The following NOL6 variants were observed in gnomAD, a reference collection of about 807,000 sequenced individuals.
NOL6 encodes the protein nucleolar RNA-associated protein.
Under a neutral mutation model 131.7 loss-of-function variants are expected in NOL6, and 33 were observed. The observed-to-expected ratio is 0.25, with a 90% CI of 0.19 to 0.33. The LOEUF is 0.33. Ranked by LOEUF, NOL6 falls within the 10% of genes least tolerant of loss-of-function variation. The probability of loss-of-function intolerance (pLI) is 1.00; values close to 1 mark genes in which losing one functional copy is unlikely to be tolerated. For missense variants in NOL6, 1,297 were observed against 1,494.5 expected (o/e 0.87, Z 2.18); for synonymous variants, 580 against 605.7 (o/e 0.96, Z 0.62).
In NOL6 at chr9:33,465,789, G is replaced by A; in HGVS notation, c.2473C>T (p.Leu825Phe). 1.2e-6 allele frequency: 2 copies of A among 1,613,890 alleles called. No homozygotes were observed. Among genetic ancestry groups the A allele is most frequent in the Non-Finnish European group, 1.7e-6 (2 of 1,179,894 alleles). ...TGCCTTGTGTCTCTCTCAAGGCGGAGGGAGGCAGCTGTGTCCCTCAGCGAG... is the reference window on the plus strand; with the variant it reads ...TGCCTTGTGTCTCTCTCAAGGCGGAAGGAGGCAGCTGTGTCCCTCAGCGAG... ...MISLRDTAAS[L>F]RLERDTRQLP... The change falls in exon 19 of 26, where the codon CTC becomes TTC. Residue 825 changes from leucine to phenylalanine, a missense_variant. Transcript: ENST00000297990.
At chr9:33,464,223 C>A in intron 21 of NOL6, 62 bp from the exon 22 acceptor site, 1 of 1,534,568 alleles carries the variant, frequency 6.5e-7, no homozygotes. Flanking sequence ...CTCTACTCCC[C>A]CAGGTCCTCC....
intron 3 of NOL6, chr9:33,470,484 A>G (rs532911862): frequency 4.3e-4 from 80 of 185,706 alleles, no homozygotes; most frequent in Admixed American, 1.7e-3. Context: ...CGAGGTCAGA[A>G]GATCGAGACC....
Position 33,469,664 on chromosome 9 carries a change from T to C in NOL6, c.562A>G (p.Ile188Val). Residue 188 changes from isoleucine to valine, a missense_variant, in exon 5 of 26, where the codon ATC becomes GTC. By Grantham distance (29) the Ile-to-Val change is conservative. Coordinates refer to ENST00000297990, the MANE Select transcript of NOL6 (RefSeq NM_022917.5). ...VDVALTMPRE[I>V]LQDKDGLNQR... ...TTCAGCCCGTCCTTGTCCTGTAGGA[T>C]TTCCTGGAGGGGCCAGGGGAGAAGA... 1.2e-6 allele frequency: 2 copies of C among 1,609,766 alleles called. No individual in the cohort carries two copies. The highest frequency in any genetic ancestry group is 1.7e-6 in the Non-Finnish European group (2 of 1,178,822).
chr9:33,464,520 T>C (rs1469811529), intron 21 of NOL6, among the ~76,000 whole-genome samples: 1 of 151,920 alleles, frequency 6.6e-6, no homozygotes, highest in African/African-American at 2.4e-5. Flanking sequence ...TGCCTCACGT[T>C]ACAACCAGAA....
intron 1 of NOL6, chr9:33,472,726 A>C: frequency 9.7e-6 from 4 of 410,378 alleles, no homozygotes; most frequent in South Asian, 9.6e-5. Context: ...TAATCCCAGC[A>C]GTTTGGGAGG....
In NOL6 at chr9:33,472,328, T is replaced by C. The variant is rs768037553; in HGVS notation, c.139A>G (p.Lys47Glu). ...RKRTLAEPPA[K>E]GLLQPVKLSR... is the part of the protein sequence containing the mutation. ...AGCTTCACTGGCTGCAGGAGGCCCTTCGCTGGAGGTTCAGCCAATGTACGC... is the reference window on the plus strand; with the variant it reads ...AGCTTCACTGGCTGCAGGAGGCCCTCCGCTGGAGGTTCAGCCAATGTACGC... The change falls in exon 2 of 26, where the codon AAG becomes GAG. Residue 47 changes from lysine (K) to glutamate (E), a missense_variant. Lys to Glu is a moderately conservative substitution (Grantham distance 56). Coordinates refer to ENST00000297990, the MANE Select transcript of NOL6 (RefSeq NM_022917.5). The C allele has an allele frequency of 2.5e-6, 4 of 1,614,232 alleles. No individual in the cohort carries two copies. In the Admixed American group the frequency reaches 6.7e-5, roughly 27 times the overall value.
chr9:33,468,753 C>CAG lies in NOL6; in HGVS notation c.1144_1145dup (p.Ala383TrpfsTer6). 1 of 1,614,170 alleles carries CAG rather than the reference C, an allele frequency of 6.2e-7. No homozygotes were observed. The highest frequency in any genetic ancestry group is 8.5e-7 in the Non-Finnish European group (1 of 1,180,028). Reference sequence around the variant, plus strand: ...CCTTTCCCCACCTAGTTGCCTCACCCAGAAACTGCAAGACACTTCTCAGGA... The same window carrying CAG: ...CCTTTCCCCACCTAGTTGCCTCACCCAGAGAAACTGCAAGACACTTCTCAGGA... On this transcript the variant is annotated frameshift_variant and splice_region_variant, in exon 8 of 26. Transcript: ENST00000297990. LOFTEE classifies it high-confidence loss of function.
In NOL6 at chr9:33,469,333, C is replaced by T. The variant is rs764847272; in HGVS notation, c.736G>A (p.Glu246Lys). ...SLLLRPRGKD[E>K]RLVTVRLHPC... Reference sequence around the variant, plus strand: ...TGCAGACGTACAGTGACCAGGCGCTCATCCTTTCCTGCCAGAGACAGTGAG... The same window carrying T: ...TGCAGACGTACAGTGACCAGGCGCTTATCCTTTCCTGCCAGAGACAGTGAG... The change falls in exon 6 of 26, where the codon GAG becomes AAG. Residue 246 changes from glutamate (E) to lysine (K), a missense_variant. Glu to Lys is a moderately conservative substitution (Grantham distance 56). Coordinates refer to ENST00000297990, the MANE Select transcript of NOL6 (RefSeq NM_022917.5). The T allele has an allele frequency of 3.7e-6, 6 of 1,613,926 alleles. No individual in the cohort carries two copies. The African/African-American group carries it at 5.3e-5, about 14-fold the overall frequency.
At position 33,469,315 on chromosome 9, in the gene NOL6, G is replaced by A. The variant is rs760545522; in HGVS notation, c.754C>T (p.Arg252Cys). ...RGKDERLVTV[R>C]LHPCPPPDFF... ...TCAGGTGGAGGGCACGGATGCAGACGTACAGTGACCAGGCGCTCATCCTTT... is the reference window on the plus strand; with the variant it reads ...TCAGGTGGAGGGCACGGATGCAGACATACAGTGACCAGGCGCTCATCCTTT... Residue 252 changes from arginine to cysteine, a missense_variant, in exon 6 of 26, where the codon CGT becomes TGT. Transcript: ENST00000297990. 4.0e-5 allele frequency: 65 copies of A among 1,614,034 alleles called. No individual in the cohort carries two copies. Among genetic ancestry groups the A allele is most frequent in the Admixed American group, 2.0e-4 (12 of 60,010 alleles).
intron 15 of NOL6, 57 bp downstream of exon 15, chr9:33,466,855 T>C: frequency 1.3e-6 from 2 of 1,575,846 alleles, no homozygotes; most frequent in Non-Finnish European, 1.7e-6. Context: ...CTGAGAGGAC[T>C]CTCTCCCCGC....
At chr9:33,473,648 A>T in intron 1 of NOL6, 141 bp downstream of exon 1, 1 of 884,118 alleles carries the variant, frequency 1.1e-6, no homozygotes, top group Non-Finnish European at 1.8e-6. Context: ...GCCCTGTCTC[A>T]GTGCCACTGG....
Position 33,462,375 on chromosome 9 carries a change from A to G in NOL6, c.*289T>C. The G allele has an allele frequency of 1.6e-6, 1 of 637,098 alleles. No individual in the cohort carries two copies. The highest frequency in any genetic ancestry group is 1.8e-5 in the South Asian group (1 of 55,976). The allele number at this position is 637,098 out of a possible 1,614,324, so 39.5% of individuals were successfully genotyped here. ...GCAGGGAGGTCCAGGCCCAGGGCTA[A>G]TAGGTGGATGGATCTCCTGGGTTCA... On this transcript the variant is annotated 3_prime_UTR_variant, in exon 26 of 26. Coordinates refer to ENST00000297990, the MANE Select transcript of NOL6 (RefSeq NM_022917.5).
At position 33,466,012 on chromosome 9, in the gene NOL6, G is replaced by T. The variant is rs538743506; in HGVS notation, c.2364+59C>A. On this transcript the variant is annotated intron_variant, in intron 18 of 25. Coordinates refer to ENST00000297990, the MANE Select transcript of NOL6 (RefSeq NM_022917.5). Reference sequence around the variant, plus strand: ...TACCCACAGGGGTGTCTTCTTCCACGCCCTGACATCCCTGGTGCCCCCCTT... The same window carrying T: ...TACCCACAGGGGTGTCTTCTTCCACTCCCTGACATCCCTGGTGCCCCCCTT... 4 of 1,558,382 alleles carry T rather than the reference G, an allele frequency of 2.6e-6. No homozygotes were observed. The Admixed American group carries it at 7.1e-5, about 28-fold the overall frequency.
Position 33,468,145 on chromosome 9 carries a change from C to T in NOL6, c.1309G>A (p.Val437Ile), listed in dbSNP as rs759397539. Residue 437 changes from valine (V) to isoleucine (I), a missense_variant and splice_region_variant, in exon 11 of 26, where the codon GTA becomes ATA. Physicochemically the swap from Val to Ile is conservative, Grantham distance 29. Coordinates refer to ENST00000297990, the MANE Select transcript of NOL6 (RefSeq NM_022917.5). ...ATAGACAGCCGTGCCTCATGCTGTA[C>T]CTGGAGCCACAGAAGGGACCATCCC... Reference protein sequence around the residue: ...ADVTASTYHQVQHEARLSMML... With the variant: ...ADVTASTYHQIQHEARLSMML... 3.7e-6 allele frequency: 6 copies of T among 1,614,086 alleles called. No individual in the cohort carries two copies. In the South Asian group the frequency reaches 4.4e-5, roughly 12 times the overall value.
chr9:33,464,798 C>T, intron 21 of NOL6, 81 bp downstream of exon 21: 3 of 1,035,940 alleles, frequency 2.9e-6, no homozygotes, highest in East Asian at 4.8e-5. Flanking sequence ...CAGAGAAAAC[C>T]TAACACTGCC....
chr9:33,469,289 G>A lies in NOL6; in HGVS notation c.780C>T (p.Asp260=). The change falls in exon 6 of 26, where the codon GAC becomes GAT. Residue 260 remains aspartate, a synonymous_variant. Coordinates refer to ENST00000297990, the MANE Select transcript of NOL6 (RefSeq NM_022917.5). ...TVRLHPCPPP[D]FFRPCRLLPT... ...GCAGCAAGCGGCACGGGCGGAAGAA[G>A]TCAGGTGGAGGGCACGGATGCAGAC... The A allele has an allele frequency of 6.2e-7, 1 of 1,614,254 alleles. No individual in the cohort carries two copies. Among genetic ancestry groups the A allele is most frequent in the South Asian group, 1.1e-5 (1 of 91,086 alleles).
chr9:33,466,804 G>T, intron 15 of NOL6, 95 bp from the exon 16 acceptor site: 1 of 1,570,456 alleles, frequency 6.4e-7, no homozygotes, highest in Non-Finnish European at 8.7e-7. Context: ...AGCCAGCACC[G>T]CCGCCTGCTG....
chr9:33,473,005 T>G (rs74306955), intron 1 of NOL6, among the ~76,000 whole-genome samples: 2,102 of 147,966 alleles, frequency 0.014, 39 homozygotes, highest in East Asian at 0.046. Flanking sequence ...GACTGAGCCC[T>G]GCCCTAAGTA....
In NOL6 at chr9:33,468,797, T is replaced by C; in HGVS notation, c.1102A>G (p.Thr368Ala). ...FLVSTRKIHT[T>A]MSGYQVLRSV... Reference sequence around the variant, plus strand: ...CTCAGGACCTGGTAGCCACTCATGGTGGTATGGATCTTGCGTGTAGACACA... The same window carrying C: ...CTCAGGACCTGGTAGCCACTCATGGCGGTATGGATCTTGCGTGTAGACACA... The change falls in exon 8 of 26, where the codon ACC (threonine) becomes GCC (alanine). Residue 368 changes from threonine to alanine, a missense_variant. Transcript: ENST00000297990. 1.9e-6 allele frequency: 3 copies of C among 1,614,114 alleles called. No homozygotes were observed. Among genetic ancestry groups the C allele is most frequent in the Non-Finnish European group, 2.5e-6 (3 of 1,180,016 alleles).
Sources: gnomAD v4.1 joint callset for allele counts (sites outside exome capture counted in the v4.1 genomes callset) on GRCh38, gnomAD v4.1.1 for gene constraint, MANE v1.5 for transcripts, NCBI Gene and HGNC (gene_info 2026-07-23, HGNC 2026-07-21) for gene names.